The following SF3A2 variants were observed in gnomAD, a reference collection of about 807,000 sequenced individuals.
SF3A2 encodes the protein splicing factor 3a subunit 2.
A neutral mutation model predicts 31.1 loss-of-function variants in SF3A2; 5 were observed. The observed-to-expected ratio is 0.16, with a 90% CI of 0.08 to 0.34. SF3A2 has a LOEUF of 0.34. Ranked by LOEUF, SF3A2 falls within the 10% of genes least tolerant of loss-of-function variation. The pLI, the probability that SF3A2 is intolerant of heterozygous loss-of-function variation, is 1.00. For synonymous variants in SF3A2, 365 were observed against 263.7 expected (o/e 1.38, Z -3.72); for missense variants, 577 against 643.9 (o/e 0.90, Z 1.13).
intron 1 of SF3A2, among the ~76,000 whole-genome samples, chr19:2,243,117 C>T (rs184129312): frequency 6.6e-6 from 1 of 152,294 alleles, no homozygotes; most frequent in East Asian, 1.9e-4. Context: ...TGGGCTGGAG[C>T]GGCTTCCTCT....
Position 2,247,748 on chromosome 19 carries a change from C to A in SF3A2, c.616-19C>A, listed in dbSNP as rs2024952961. ...CCTAGCCCCACCCGTGCCTGCTGAA[C>A]CTTTCTCCGTCTCTCTAGTTCTTCC... On this transcript the variant is annotated intron_variant, in intron 8 of 8. Transcript: ENST00000221494. 6.2e-7 allele frequency: 1 copy of A among 1,612,014 alleles called. No individual in the cohort carries two copies. Among genetic ancestry groups the A allele is most frequent in the African/African-American group, 1.3e-5 (1 of 74,942 alleles).
intron 1 of SF3A2, among the ~76,000 whole-genome samples, chr19:2,241,066 C>T (rs2024884624): frequency 6.6e-6 from 1 of 152,176 alleles, no homozygotes; most frequent in African/African-American, 2.4e-5. Context: ...GATGGCTCTG[C>T]AGAGCTTAGC....
Position 2,248,153 on chromosome 19 carries a change from T to TGGAGTCCACCCTCCAGACCCC in SF3A2, c.1018_1019insACCCCGGAGTCCACCCTCCAG (p.Pro339_Ala340insAspProGlyValHisProPro). On this transcript the variant is annotated inframe_insertion, in exon 9 of 9. Transcript: ENST00000221494. ...CCTCTGGGGTCCACCCCCCAGCTCC[T>TGGAGTCCACCCTCCAGACCCC]GGAGTCCACCCTCCAGCCCCCGGGG... 7.5e-7 allele frequency: 1 copy of TGGAGTCCACCCTCCAGACCCC among 1,335,318 alleles called. No individual in the cohort carries two copies. Among genetic ancestry groups the TGGAGTCCACCCTCCAGACCCC allele is most frequent in the Non-Finnish European group, 1.0e-6 (1 of 980,008 alleles). 82.7% of individuals were successfully genotyped at this position (1,335,318 alleles called of 1,614,324 possible).
Position 2,243,457 on chromosome 19 carries a change from CG to C in SF3A2, c.44del (p.Gly15AlafsTer33). ...QHRPGGKTGS[G>X]GVASSSESNR... ...ATCGCCCCGGGGGCAAGACCGGGAG[CG>C]GGGGCGTGGCCTCCTCCTCCGAGAG... On this transcript the variant is annotated frameshift_variant, in exon 2 of 9. Transcript: ENST00000221494. LOFTEE classifies it high-confidence loss of function. 1 of 1,554,998 alleles carries C rather than the reference CG, an allele frequency of 6.4e-7. No individual in the cohort carries two copies. The highest frequency in any genetic ancestry group is 2.5e-5 in the East Asian group (1 of 39,628).
chr19:2,248,368 G>A lies in SF3A2; in HGVS notation c.1217G>A (p.Gly406Glu). The change falls in exon 9 of 9, where the codon GGG becomes GAG. Residue 406 changes from glycine to glutamate, a missense_variant. By Grantham distance (98) the Gly-to-Glu change is moderately conservative. Coordinates refer to ENST00000221494, the MANE Select transcript of SF3A2 (RefSeq NM_007165.5). ...CCAGGGATGCACCCTCAGGCCCCGG[G>A]GGTCCACCCCCAACCTCCCGGGGTC... ...PAPGMHPQAP[G>E]VHPQPPGVHP... 1 of 1,382,526 alleles carries A rather than the reference G, an allele frequency of 7.2e-7. No homozygotes were observed. The highest frequency in any genetic ancestry group is 3.4e-5 in the Admixed American group (1 of 29,228). The allele number at this position is 1,382,526 out of a possible 1,614,324, so 85.6% of individuals were successfully genotyped here.
At position 2,245,112 on chromosome 19, in the gene SF3A2, AG is replaced by A; in HGVS notation, c.246-332del. 1 of 496,562 alleles carries A rather than the reference AG, an allele frequency of 2.0e-6. No individual in the cohort carries two copies. The allele number at this position is 496,562 out of a possible 1,614,324, so 30.8% of individuals were successfully genotyped here. A position where few individuals can be genotyped will look rare whatever the true frequency, so the allele number is the denominator to read the frequency against. ...GAGGCAGGAGAATCTTGAATCTGGG[AG>A]GCAGAGATTGCAGTGAACCAAGGTG... On this transcript the variant is annotated intron_variant, in intron 4 of 8. Transcript: ENST00000221494. This position sits in a 1 kb window ranked among gnomAD's most constrained non-coding sequence, Gnocchi z 4.2.
chr19:2,241,547 C>T (rs1051191270), intron 1 of SF3A2, among the ~76,000 whole-genome samples: 2 of 152,182 alleles, frequency 1.3e-5, no homozygotes, highest in African/African-American at 4.8e-5. Flanking sequence ...GCCTGTGGGC[C>T]GTCCGGAGAC....
chr19:2,243,954 G>A (rs1410007677), intron 2 of SF3A2, among the ~76,000 whole-genome samples: 2 of 152,268 alleles, frequency 1.3e-5, no homozygotes, highest in East Asian at 1.9e-4. Flanking sequence ...CATGCCCCAC[G>A]GGCCTGGCCT....
At position 2,247,993 on chromosome 19, in the gene SF3A2, C is replaced by T. The variant is rs1480395846; in HGVS notation, c.842C>T (p.Pro281Leu). 1 of 951,296 alleles carries T rather than the reference C, an allele frequency of 1.1e-6. No homozygotes were observed. Among genetic ancestry groups the T allele is most frequent in the Non-Finnish European group, 1.6e-6 (1 of 613,528 alleles). The allele number at this position is 951,296 out of a possible 1,614,324, so 58.9% of individuals were successfully genotyped here. Residue 281 changes from proline (P) to leucine (L), a missense_variant, in exon 9 of 9, where the codon CCC becomes CTC. By Grantham distance (98) the Pro-to-Leu change is moderately conservative (BLOSUM62 -3). Coordinates refer to ENST00000221494, the MANE Select transcript of SF3A2 (RefSeq NM_007165.5). ...GGGCCCCCGGGACCACCCCAGCTAC[C>T]CCCGCCAGCTCCAGGGGTCCACCCC... ...PSGPPGPPQL[P>L]PPAPGVHPPA...
chr19:2,238,765 T>C (rs1168586131), intron 1 of SF3A2, among the ~76,000 whole-genome samples: 2 of 152,202 alleles, frequency 1.3e-5, no homozygotes, highest in Non-Finnish European at 2.9e-5. Context: ...TTAAATAAAT[T>C]GATCTCCCCT....
intron 1 of SF3A2, chr19:2,237,672 A>C (rs949510051): frequency 2.6e-5 from 4 of 152,196 alleles, no homozygotes; most frequent in African/African-American, 4.8e-5. Flanking sequence ...GTAGCCGAGA[A>C]CGCTTCTGTA....
rs1193514046 is a variant in SF3A2, at chr19:2,247,042, C to T, written c.546+20C>T. 9 of 1,225,882 alleles carry T rather than the reference C, an allele frequency of 7.3e-6. No individual in the cohort carries two copies. The highest frequency in any genetic ancestry group is 2.2e-4 in the Middle Eastern group (1 of 4,582). 75.9% of individuals were successfully genotyped at this position (1,225,882 alleles called of 1,614,324 possible). ...TTCAAGGTAGCGTGGCTGCGGGGTTCCCTGGGCCCCCTTGAGATGTGCAAG... is the reference window on the plus strand; with the variant it reads ...TTCAAGGTAGCGTGGCTGCGGGGTTTCCTGGGCCCCCTTGAGATGTGCAAG... On this transcript the variant is annotated intron_variant, in intron 7 of 8. Transcript: ENST00000221494.
At chr19:2,241,363 T>C (rs1362865212) in intron 1 of SF3A2, among the ~76,000 whole-genome samples, 1 of 152,210 alleles carries the variant, frequency 6.6e-6, no homozygotes, top group Non-Finnish European at 1.5e-5. Context: ...GTTTCTGTGA[T>C]GTGTGGAGAG....
In SF3A2 at chr19:2,248,617, C is replaced by T. The variant is rs1319008495; in HGVS notation, c.*71C>T. ...CTTTTCCCACTGAGAGAAGGCTGCT[C>T]TTTTGTACTGCCCCCCGCTCATTAA... is the stretch of plus-strand genomic sequence containing the variant. On this transcript the variant is annotated 3_prime_UTR_variant, in exon 9 of 9. Transcript: ENST00000221494. 6.9e-6 allele frequency: 3 copies of T among 436,826 alleles called. No homozygotes were observed. The highest frequency in any genetic ancestry group is 7.1e-5 in the East Asian group (2 of 28,236). The allele number at this position is 436,826 out of a possible 1,614,324, so 27.1% of individuals were successfully genotyped here. A position where few individuals can be genotyped will look rare whatever the true frequency, so the allele number is the denominator to read the frequency against.
In SF3A2 at chr19:2,243,411, C is replaced by A; in HGVS notation, c.-8C>A. ...CTCCCAGTCTGCTAAAGCCCTAAGG[C>A]CATCACCATGGACTTCCAGCATCGC... On this transcript the variant is annotated 5_prime_UTR_variant, in exon 2 of 9. Transcript: ENST00000221494. The A allele has an allele frequency of 6.5e-7, 1 of 1,537,076 alleles. No individual in the cohort carries two copies.
intron 2 of SF3A2, 58 bp downstream of exon 2, chr19:2,243,602 T>G: frequency 6.8e-7 from 1 of 1,470,560 alleles, no homozygotes; most frequent in Non-Finnish European, 8.9e-7. Flanking sequence ...AGGGCAGCCC[T>G]GGAGAGGGTG....
At chr19:2,239,374 AAG>A (rs1385473926) in intron 1 of SF3A2, among the ~76,000 whole-genome samples, 1 of 149,314 alleles carries the variant, frequency 6.7e-6, no homozygotes, top group African/African-American at 2.5e-5. Context: ...AAAAAAAAAA[AAG>A]AGAGAGAAAA....
In SF3A2 at chr19:2,245,568, G is replaced by A. The variant is rs769579231; in HGVS notation, c.355+13G>A. ...CCGGGCTACAAAGGTGAGTCTGCCC[G>A]CAGCGGGGCCGGCCACAGCCGCTGC... On this transcript the variant is annotated intron_variant, in intron 5 of 8. Coordinates refer to ENST00000221494, the MANE Select transcript of SF3A2 (RefSeq NM_007165.5). The surrounding 1 kb of genome is among the most constrained non-coding windows in gnomAD (Gnocchi z 4.2). The A allele has an allele frequency of 4.9e-5, 75 of 1,532,500 alleles. No individual in the cohort carries two copies. The highest frequency in any genetic ancestry group is 3.3e-4 in the Middle Eastern group (2 of 5,982). 94.9% of individuals were successfully genotyped at this position (1,532,500 alleles called of 1,614,324 possible). A position where few individuals can be genotyped will look rare whatever the true frequency, so the allele number is the denominator to read the frequency against.
chr19:2,245,766 G>A lies in SF3A2; in HGVS notation c.355+211G>A. The A allele has an allele frequency of 1.7e-6, 1 of 583,712 alleles. No homozygotes were observed. Among genetic ancestry groups the A allele is most frequent in the Non-Finnish European group, 3.1e-6 (1 of 325,852 alleles). The allele number at this position is 583,712 out of a possible 1,614,324, so 36.2% of individuals were successfully genotyped here. A position where few individuals can be genotyped will look rare whatever the true frequency, so the allele number is the denominator to read the frequency against. ...CGATAAGCACCCATCTCACCCAGCA[G>A]CCCATTTCCCAGCTGAGCCACAGTC... On this transcript the variant is annotated intron_variant, in intron 5 of 8. Transcript: ENST00000221494. The surrounding 1 kb of genome is among the most constrained non-coding windows in gnomAD (Gnocchi z 4.2).
Sources: gnomAD v4.1 joint callset for allele counts (sites outside exome capture counted in the v4.1 genomes callset) on GRCh38, gnomAD v4.1.1 for gene constraint, Gnocchi (gnomAD v3.1) non-coding constraint, MANE v1.5 for transcripts, NCBI Gene and HGNC (gene_info 2026-07-23, HGNC 2026-07-21) for gene names.